KIFAP3: variants seen among roughly 807,000 people sequenced by gnomAD.
The protein encoded by KIFAP3 is kinesin-associated protein 3.
Under a neutral mutation model 106.5 loss-of-function variants are expected in KIFAP3, and 68 were observed. The observed-to-expected ratio is 0.64, with a 90% CI of 0.53 to 0.78. KIFAP3 has a LOEUF of 0.78. Ranked by LOEUF, KIFAP3 falls within the 30% of genes least tolerant of loss-of-function variation. The pLI is 0.00. For missense variants in KIFAP3, 780 were observed against 941.8 expected (o/e 0.83, Z 2.25); for synonymous variants, 320 against 311.5 (o/e 1.03, Z -0.29).
At chr1:170,024,046 T>C (rs1668988036) in intron 9 of KIFAP3, 1 of 155,024 alleles carries the variant, frequency 6.5e-6, no homozygotes, top group Non-Finnish European at 1.4e-5. Flanking sequence ...TGAAGAGATC[T>C]GGCTAAATTT....
chr1:169,993,139 ACTCTGTCG>A (rs1667183676), intron 10 of KIFAP3, among the ~76,000 whole-genome samples: 1 of 134,654 alleles, frequency 7.4e-6, no homozygotes, highest in Non-Finnish European at 1.5e-5. Flanking sequence ...ACAGAGTCTC[ACTCTGTCG>A]CCCAGGCCAG....
At chr1:170,048,894 T>G (rs1359204033) in intron 2 of KIFAP3, among the ~76,000 whole-genome samples, 3 of 152,134 alleles carry the variant, frequency 2.0e-5, no homozygotes, top group African/African-American at 7.2e-5. Flanking sequence ...AGCACAAAAC[T>G]GGGTGGCTGT....
intron 19 of KIFAP3, among the ~76,000 whole-genome samples, chr1:169,927,965 G>A (rs1319191263): frequency 1.3e-5 from 2 of 152,136 alleles, no homozygotes; most frequent in Non-Finnish European, 2.9e-5. Flanking sequence ...TAGGAAAGGG[G>A]GTTGAGAGGC....
chr1:169,926,294 CT>C (rs1297419067), intron 19 of KIFAP3, among the ~76,000 whole-genome samples: 1 of 152,162 alleles, frequency 6.6e-6, no homozygotes, highest in Admixed American at 6.5e-5. Context: ...GATATGACTG[CT>C]TCACAACCCT....
intron 10 of KIFAP3, among the ~76,000 whole-genome samples, chr1:170,002,645 C>A (rs568967633): frequency 6.6e-6 from 1 of 152,098 alleles, no homozygotes; most frequent in African/African-American, 2.4e-5. Context: ...GCTTTCAGTG[C>A]CATACGTTTA....
chr1:170,072,738 TA>T (rs146093837), intron 1 of KIFAP3, among the ~76,000 whole-genome samples: 2,791 of 152,272 alleles, frequency 0.018, 72 homozygotes, highest in African/African-American at 0.063. Flanking sequence ...AAACAATAAT[TA>T]AAATTGAAGG....
intron 1 of KIFAP3, among the ~76,000 whole-genome samples, chr1:170,070,673 T>C (rs934996870): frequency 1.3e-5 from 2 of 152,052 alleles, no homozygotes; most frequent in Non-Finnish European, 2.9e-5. Flanking sequence ...TAACTCGAGA[T>C]GGATCAAGGA....
chr1:170,057,615 G>T (rs1670917790), intron 1 of KIFAP3, among the ~76,000 whole-genome samples: 1 of 149,932 alleles, frequency 6.7e-6, no homozygotes, highest in Non-Finnish European at 1.5e-5. Context: ...TAACAGAAGA[G>T]GCTTAAGGGT....
At chr1:170,051,970 C>G (rs945021389) in intron 2 of KIFAP3, among the ~76,000 whole-genome samples, 3 of 151,952 alleles carry the variant, frequency 2.0e-5, no homozygotes, top group African/African-American at 7.2e-5. Context: ...CAAGAGCCAG[C>G]AGAAGACAAG....
chr1:170,011,779 G>A (rs1310157899), intron 10 of KIFAP3, among the ~76,000 whole-genome samples: 1 of 151,952 alleles, frequency 6.6e-6, no homozygotes, highest in Non-Finnish European at 1.5e-5. Context: ...TGTAGCCAAA[G>A]ACCACATATG....
chr1:169,955,629 T>C (rs1664973236), intron 18 of KIFAP3, among the ~76,000 whole-genome samples: 1 of 152,166 alleles, frequency 6.6e-6, no homozygotes, highest in Non-Finnish European at 1.5e-5. Flanking sequence ...TGTATTTCCA[T>C]AAGACTCTCA....
At chr1:169,972,374 A>C in intron 17 of KIFAP3, 139 bp downstream of exon 17, 1 of 548,954 alleles carries the variant, frequency 1.8e-6, no homozygotes, top group Non-Finnish European at 3.3e-6. Flanking sequence ...AAGTAAATTT[A>C]GTATCATTGT....
In KIFAP3 at chr1:170,046,735, C is replaced by T. The variant is rs1162459576; in HGVS notation, c.296G>A (p.Arg99His). Reference protein sequence around the residue: ...VEQLLYYLQNRRDSLSGKEKK... With the variant: ...VEQLLYYLQNHRDSLSGKEKK... Reference sequence around the variant, plus strand: ...ACCTTTTCCTGACAATGAATCACGGCGGTTCTGTAGATAGTACAACAGCTG... The same window carrying T: ...ACCTTTTCCTGACAATGAATCACGGTGGTTCTGTAGATAGTACAACAGCTG... The change falls in exon 3 of 20, where the codon CGC becomes CAC. Residue 99 changes from arginine (R) to histidine (H), a missense_variant. Physicochemically the swap from Arg to His is conservative, Grantham distance 29. This residue lies in a region of KIFAP3 where 588 missense variants were observed against 678.9 expected (regional missense o/e 0.87). Coordinates refer to ENST00000361580, the MANE Select transcript of KIFAP3 (RefSeq NM_014970.4). 23 of 1,569,764 alleles carry T rather than the reference C, an allele frequency of 1.5e-5. No individual in the cohort carries two copies. The highest frequency in any genetic ancestry group is 4.8e-5 in the South Asian group (4 of 83,206).
At chr1:169,997,702 C>T (rs1183354614) in intron 10 of KIFAP3, among the ~76,000 whole-genome samples, 2 of 151,648 alleles carry the variant, frequency 1.3e-5, no homozygotes, top group Admixed American at 1.3e-4. Flanking sequence ...GAAACCCTGT[C>T]TCTACTAAAA....
chr1:170,067,944 C>A (rs1671527836), intron 1 of KIFAP3: 1 of 152,098 alleles, frequency 6.6e-6, no homozygotes, highest in African/African-American at 2.4e-5. Context: ...CAGAAAAAAC[C>A]TGGGAAGATC....
intron 19 of KIFAP3, among the ~76,000 whole-genome samples, chr1:169,948,966 A>G (rs903704406): frequency 6.6e-6 from 1 of 152,036 alleles, no homozygotes; most frequent in Non-Finnish European, 1.5e-5. Context: ...TAATTAAGGC[A>G]GCCTTACAGC....
intron 1 of KIFAP3, among the ~76,000 whole-genome samples, chr1:170,061,848 G>A (rs918054866): frequency 6.6e-6 from 1 of 152,072 alleles, no homozygotes; most frequent in Non-Finnish European, 1.5e-5. Context: ...AAAGGATGAG[G>A]TCATGTCCTT....
In KIFAP3 at chr1:169,948,539, T is replaced by C. The variant is rs543645686; in HGVS notation, c.2273+5472A>G. The stretch of plus-strand genomic sequence containing the variant: ...AGTTCTTACAATGCTGAACAAATGG[T>C]TGGTGTCAATGTCTATCAAAGAAAA... On this transcript the variant is annotated intron_variant, in intron 19 of 19. Coordinates refer to ENST00000361580, the MANE Select transcript of KIFAP3 (RefSeq NM_014970.4). Among the ~76,000 whole-genome samples, 30 of 152,118 alleles carry C rather than the reference T, an allele frequency of 2.0e-4. No individual in the cohort carries two copies. The Middle Eastern group carries it at 0.01, about 52-fold the overall frequency.
At chr1:169,929,757 T>G (rs921127916) in intron 19 of KIFAP3, among the ~76,000 whole-genome samples, 3 of 151,634 alleles carry the variant, frequency 2.0e-5, no homozygotes, top group African/African-American at 7.3e-5. Flanking sequence ...CAAACTAGTA[T>G]TTTTTTTCAA....
Sources: allele counts gnomAD v4.1 joint callset (sites outside exome capture counted in the v4.1 genomes callset), GRCh38; gene constraint gnomAD v4.1.1; regional missense constraint gnomAD v4.1.1; transcripts MANE v1.5; gene names NCBI Gene and HGNC (gene_info 2026-07-23, HGNC 2026-07-21).